The following MCM9 variants were observed in gnomAD, a reference collection of about 807,000 sequenced individuals.
MCM9 encodes DNA helicase MCM9.
MCM9 carries 55 observed loss-of-function variants against 72.8 expected under a neutral mutation model. That is an observed-to-expected ratio of 0.76 (90% CI 0.61 to 0.95). The LOEUF (loss-of-function observed/expected upper bound fraction) is 0.95. Ranked by LOEUF, MCM9 falls within the 40% of genes least tolerant of loss-of-function variation. MCM9 has a pLI of 0.00. For missense variants in MCM9, 1,279 were observed against 1,377.0 expected, an observed-to-expected ratio of 0.93 and a Z score of 1.13; for synonymous variants, 480 against 503.4, an observed-to-expected ratio of 0.95 and a Z score of 0.62.
chr6:118,929,291 TA>T (rs1782185772), intron 3 of MCM9, among the ~76,000 whole-genome samples: 1 of 152,190 alleles, frequency 6.6e-6, no homozygotes, highest in African/African-American at 2.4e-5. Flanking sequence ...TCCCATACAA[TA>T]ATGCTTAATA....
At chr6:118,893,791 G>A (rs918938021) in intron 8 of MCM9, among the ~76,000 whole-genome samples, 2 of 151,746 alleles carry the variant, frequency 1.3e-5, no homozygotes, top group Middle Eastern at 3.2e-3. Context: ...CAGCAAGGCC[G>A]GCAAAGCTGT....
Position 118,907,469 on chromosome 6 carries a change from C to T in MCM9, c.1150+4181G>A, listed in dbSNP as rs1428049298. ...TTCCACATTAATTGGGAAGATAACA[C>T]AGAAAAACTGGAAGATGCAGAGAGC... On this transcript the variant is annotated intron_variant, in intron 8 of 13. Coordinates refer to ENST00000619706, the MANE Select transcript of MCM9 (RefSeq NM_017696.3). The T allele has an allele frequency of 9.3e-6, 15 of 1,613,020 alleles. No individual in the cohort carries two copies. Among genetic ancestry groups the T allele is most frequent in the Non-Finnish European group, 1.2e-5 (14 of 1,179,462 alleles).
intron 9 of MCM9, among the ~76,000 whole-genome samples, chr6:118,842,224 G>C (rs138120563): frequency 2.0e-5 from 3 of 152,162 alleles, no homozygotes; most frequent in African/African-American, 7.2e-5. Context: ...GAAATGTTAA[G>C]TTTTCTCCTA....
At chr6:118,860,690 A>G (rs1450581921) in intron 8 of MCM9, among the ~76,000 whole-genome samples, 95 of 152,188 alleles carry the variant, frequency 6.2e-4, no homozygotes. Flanking sequence ...CAAAGATTAA[A>G]AAAAAATCAT....
At chr6:118,906,407 G>A (rs897103006) in intron 8 of MCM9, among the ~76,000 whole-genome samples, 3 of 152,036 alleles carry the variant, frequency 2.0e-5, no homozygotes, top group African/African-American at 7.2e-5. Context: ...TTTGTTTATG[G>A]CTTTCTTTAT....
At chr6:118,824,202 T>C (rs996168347) in intron 13 of MCM9, among the ~76,000 whole-genome samples, 2 of 151,982 alleles carry the variant, frequency 1.3e-5, no homozygotes, top group Non-Finnish European at 2.9e-5. Context: ...AAAAAGCAAA[T>C]AGCTTTCAAA....
chr6:118,895,012 C>T (rs1297310798), intron 8 of MCM9, among the ~76,000 whole-genome samples: 1 of 152,182 alleles, frequency 6.6e-6, no homozygotes, highest in African/African-American at 2.4e-5. Context: ...TCCTCTTGCC[C>T]CGCCGCCCGC....
chr6:118,882,718 A>G (rs1014586077), intron 8 of MCM9, among the ~76,000 whole-genome samples: 1 of 130,300 alleles, frequency 7.7e-6, no homozygotes, highest in Non-Finnish European at 1.6e-5. Flanking sequence ...GTGACTGTAC[A>G]CACACGTAAA....
intron 8 of MCM9, chr6:118,908,274 A>G (rs901956827): frequency 1.3e-5 from 2 of 152,178 alleles, no homozygotes; most frequent in African/African-American, 4.8e-5. Flanking sequence ...TTTTGTTCTT[A>G]TAACAGAGTT....
intron 8 of MCM9, chr6:118,910,824 T>C (rs762251186): frequency 1.7e-5 from 17 of 985,274 alleles, no homozygotes; most frequent in East Asian, 1.1e-4. Context: ...TTTCCACTTA[T>C]ACAGGACCAT....
chr6:118,923,490 T>C (rs576569630), intron 4 of MCM9, among the ~76,000 whole-genome samples: 1 of 152,292 alleles, frequency 6.6e-6, no homozygotes, highest in African/African-American at 2.4e-5. Flanking sequence ...TAATCTTCTA[T>C]CCCTTAGCTA....
chr6:118,839,212 A>G (rs963836641), intron 9 of MCM9, among the ~76,000 whole-genome samples: 34 of 151,794 alleles, frequency 2.2e-4, no homozygotes, highest in East Asian at 1.2e-3. Flanking sequence ...TGCTTGATCA[A>G]TTCAGCCATT....
intron 8 of MCM9, chr6:118,894,179 A>G: frequency 1.6e-6 from 2 of 1,289,668 alleles, no homozygotes; most frequent in Non-Finnish European, 2.0e-6. Flanking sequence ...AATCGAGGGC[A>G]ACGCTGCTAC....
At chr6:118,887,636 C>G (rs1778680306) in intron 8 of MCM9, among the ~76,000 whole-genome samples, 1 of 151,964 alleles carries the variant, frequency 6.6e-6, no homozygotes. Context: ...TGGGCATCAT[C>G]AAAATTAAAA....
intron 6 of MCM9, among the ~76,000 whole-genome samples, chr6:118,914,637 C>T (rs7773684): frequency 0.01 from 1,582 of 152,170 alleles, 29 homozygotes; most frequent in African/African-American, 0.036. Flanking sequence ...GCAGATAAGA[C>T]TTGACAGCAG....
At chr6:118,923,625 A>T (rs1167239993) in intron 4 of MCM9, among the ~76,000 whole-genome samples, 186 bp downstream of exon 4, 1 of 152,196 alleles carries the variant, frequency 6.6e-6, no homozygotes, top group Non-Finnish European at 1.5e-5. Flanking sequence ...TCCACCTAAA[A>T]AGGATGATTG....
intron 8 of MCM9, among the ~76,000 whole-genome samples, chr6:118,883,673 G>T (rs781758987): frequency 6.6e-5 from 10 of 151,550 alleles, no homozygotes; most frequent in Non-Finnish European, 1.2e-4. Context: ...GAGGCAGTGG[G>T]ATTACATATT....
rs763619975 is a variant in MCM9, at chr6:118,921,980, T to TA, written c.703+24dup. 2.4e-4 allele frequency: 375 copies of TA among 1,547,308 alleles called. 1 individual carries two copies. The East Asian group carries it at 2.7e-3, about 11-fold the overall frequency. On this transcript the variant is annotated intron_variant, in intron 5 of 13. Coordinates refer to ENST00000619706, the MANE Select transcript of MCM9 (RefSeq NM_017696.3). ...ATACTTTAGGACTACCTACACAAGC[T>TA]AAAAAAAAATTCCCCTCTTCTTACC...
chr6:118,868,430 T>C (rs1777364615), intron 8 of MCM9, among the ~76,000 whole-genome samples: 1 of 152,092 alleles, frequency 6.6e-6, no homozygotes, highest in Non-Finnish European at 1.5e-5. Flanking sequence ...GGGATCTAAT[T>C]AAACTAAAGA....
Sources: gnomAD v4.1 joint callset for allele counts (sites outside exome capture counted in the v4.1 genomes callset) on GRCh38, gnomAD v4.1.1 for gene constraint, MANE v1.5 for transcripts, NCBI Gene and HGNC (gene_info 2026-07-23, HGNC 2026-07-21) for gene names.